Variants in WDPCP observed in about 807,000 individuals in gnomAD.
The protein encoded by WDPCP is WD repeat-containing and planar cell polarity effector protein fritz homolog.
A neutral mutation model predicts 93.1 loss-of-function variants in WDPCP; 71 were observed. The ratio of observed to expected loss-of-function variants is 0.76; its 90% CI spans 0.63 to 0.93. The LOEUF is 0.93. Ranked by LOEUF, WDPCP falls within the 40% of genes least tolerant of loss-of-function variation. WDPCP has a pLI of 0.00. For missense variants in WDPCP, 844 were observed against 887.4 expected (o/e 0.95, Z 0.62); for synonymous variants, 315 against 315.0 (o/e 1.00, Z 0.00).
intron 13 of WDPCP, among the ~76,000 whole-genome samples, chr2:63,305,326 A>T (rs564561568): frequency 6.6e-6 from 1 of 152,030 alleles, no homozygotes; most frequent in Non-Finnish European, 1.5e-5. Context: ...GGGTCAATAG[A>T]CACCTCATAC....
chr2:63,575,883 ACT>A (rs996909914), intron 1 of WDPCP, among the ~76,000 whole-genome samples: 3 of 151,972 alleles, frequency 2.0e-5, no homozygotes, highest in African/African-American at 7.2e-5. Context: ...TCCTAGACTA[ACT>A]CTGGCATTTT....
intron 2 of WDPCP, among the ~76,000 whole-genome samples, chr2:63,675,417 G>A (rs899933434): frequency 5.3e-5 from 8 of 152,134 alleles, no homozygotes; most frequent in Admixed American, 4.6e-4. Flanking sequence ...ATATAATGGA[G>A]CAGGTAAGGG....
chr2:63,537,044 G>A (rs1398420704), intron 1 of WDPCP, among the ~76,000 whole-genome samples: 1 of 152,036 alleles, frequency 6.6e-6, no homozygotes, highest in Non-Finnish European at 1.5e-5. Context: ...CTGGAATTAG[G>A]AGCCTGAGCT....
chr2:63,720,152 C>T (rs1319248895), intron 2 of WDPCP, among the ~76,000 whole-genome samples: 1 of 152,160 alleles, frequency 6.6e-6, no homozygotes, highest in Non-Finnish European at 1.5e-5. Flanking sequence ...CGCAGTGGCT[C>T]ATGCCTGTAA....
At chr2:63,420,239 T>C (rs1695742622) in intron 9 of WDPCP, among the ~76,000 whole-genome samples, 1 of 151,762 alleles carries the variant, frequency 6.6e-6, no homozygotes, top group Non-Finnish European at 1.5e-5. Flanking sequence ...GAAATAAATA[T>C]TGGCCAGGCA....
At chr2:63,207,541 G>A (rs765392219) in intron 14 of WDPCP, among the ~76,000 whole-genome samples, 4 of 152,132 alleles carry the variant, frequency 2.6e-5, no homozygotes, top group African/African-American at 7.2e-5. Context: ...CAAATAGGTC[G>A]TTTTGGCTCA....
intron 3 of WDPCP, among the ~76,000 whole-genome samples, chr2:63,639,997 G>T (rs1282653788): frequency 6.6e-6 from 1 of 152,010 alleles, no homozygotes; most frequent in African/African-American, 2.4e-5. Flanking sequence ...ATTTAATGTT[G>T]TTTTTGTTTG....
At chr2:63,605,917 T>G in intron 3 of WDPCP, 2 of 1,583,384 alleles carry the variant, frequency 1.3e-6, no homozygotes, top group Non-Finnish European at 1.7e-6. Context: ...ATCATGAGTA[T>G]GTGAAACATT....
At chr2:63,323,132 C>T (rs1010678998) in intron 12 of WDPCP, among the ~76,000 whole-genome samples, 3 of 152,214 alleles carry the variant, frequency 2.0e-5, no homozygotes, top group African/African-American at 4.8e-5. Flanking sequence ...ACCCTGTGGC[C>T]ATGAGTGGAA....
At chr2:63,573,815 C>G (rs763160047) in intron 1 of WDPCP, among the ~76,000 whole-genome samples, 6 of 152,150 alleles carry the variant, frequency 3.9e-5, no homozygotes, top group South Asian at 2.1e-4. Flanking sequence ...TTTTTCTCAG[C>G]AAGGAACATC....
chr2:63,760,328 T>C (rs1320437086), intron 2 of WDPCP, among the ~76,000 whole-genome samples: 2 of 152,116 alleles, frequency 1.3e-5, no homozygotes, highest in Non-Finnish European at 2.9e-5. Context: ...TACATATCAG[T>C]GTTACAACTC....
intron 14 of WDPCP, among the ~76,000 whole-genome samples, chr2:63,209,685 A>G (rs1676616493): frequency 6.6e-6 from 1 of 152,218 alleles, no homozygotes; most frequent in African/African-American, 2.4e-5. Flanking sequence ...GGGGATTAAA[A>G]TACTTCAATG....
At chr2:63,677,386 T>A (rs1192126763) in intron 2 of WDPCP, among the ~76,000 whole-genome samples, 1 of 151,954 alleles carries the variant, frequency 6.6e-6, no homozygotes, top group Non-Finnish European at 1.5e-5. Context: ...CCACAGAAGA[T>A]CCAGATACTG....
intron 10 of WDPCP, among the ~76,000 whole-genome samples, chr2:63,403,162 T>C (rs1386807186): frequency 6.6e-6 from 1 of 152,170 alleles, no homozygotes; most frequent in East Asian, 1.9e-4. Flanking sequence ...CTTAGCAAAC[T>C]AATGCAGAAA....
chr2:63,295,921 C>T (rs2103649779), intron 13 of WDPCP, among the ~76,000 whole-genome samples: 1 of 150,932 alleles, frequency 6.6e-6, no homozygotes, highest in Admixed American at 6.6e-5. Flanking sequence ...TGGAAGGATT[C>T]CTCCCTAATT....
chr2:63,816,781 T>C (rs919751415), intron 1 of WDPCP, among the ~76,000 whole-genome samples: 34 of 152,300 alleles, frequency 2.2e-4, no homozygotes, highest in African/African-American at 8.2e-4. Context: ...TAAAATGGAA[T>C]GCTATTCAGT....
intron 13 of WDPCP, among the ~76,000 whole-genome samples, chr2:63,307,527 G>T (rs867695489): frequency 1.3e-5 from 2 of 152,128 alleles, no homozygotes; most frequent in South Asian, 2.1e-4. Flanking sequence ...GCGTGGTACT[G>T]GTACCAAAAA....
intron 10 of WDPCP, among the ~76,000 whole-genome samples, chr2:63,385,485 C>G (rs1201736335): frequency 2.0e-5 from 3 of 151,780 alleles, no homozygotes; most frequent in African/African-American, 7.3e-5. Flanking sequence ...TCCCAATGAA[C>G]AATAAAAATT....
At chr2:63,717,048 G>A (rs1669349373) in intron 2 of WDPCP, 1 of 269,176 alleles carries the variant, frequency 3.7e-6, no homozygotes, top group African/African-American at 2.3e-5. Flanking sequence ...CCTCTGGAGA[G>A]GCAGTGGTGG....
Sources: allele counts gnomAD v4.1 joint callset (sites outside exome capture counted in the v4.1 genomes callset), GRCh38; gene constraint gnomAD v4.1.1; transcripts MANE v1.5; gene names NCBI Gene and HGNC (gene_info 2026-07-23, HGNC 2026-07-21).